Variants in MICU1 observed in about 807,000 individuals in gnomAD.
MICU1 encodes the protein calcium uptake protein 1, mitochondrial.
Under a neutral mutation model 56.8 loss-of-function variants are expected in MICU1, and 45 were observed. That is an observed-to-expected ratio of 0.79 (90% CI 0.62 to 1.02). The LOEUF (loss-of-function observed/expected upper bound fraction) is 1.02. MICU1 is among the 50% of genes least tolerant of loss of function. MICU1 has a pLI of 0.00. For missense variants in MICU1, 504 were observed against 587.1 expected (o/e 0.86, Z 1.46); for synonymous variants, 186 against 195.1 (o/e 0.95, Z 0.39).
intron 4 of MICU1, among the ~76,000 whole-genome samples, chr10:72,548,104 G>A (rs764035439): frequency 8.5e-5 from 13 of 152,204 alleles, no homozygotes; most frequent in Non-Finnish European, 1.8e-4. Context: ...CCATGCTATA[G>A]CAGCAGAGAT....
At chr10:72,543,716 A>G (rs1839829761) in intron 4 of MICU1, among the ~76,000 whole-genome samples, 1 of 152,036 alleles carries the variant, frequency 6.6e-6, no homozygotes, top group African/African-American at 2.4e-5. Context: ...TTGGCTGGGC[A>G]TGGTGGCAGG....
chr10:72,407,430 C>T (rs963854364), intron 10 of MICU1, among the ~76,000 whole-genome samples: 9 of 152,144 alleles, frequency 5.9e-5, no homozygotes, highest in Admixed American at 3.9e-4. Flanking sequence ...TCAATTCCTC[C>T]GTGCTCTCAC....
At chr10:72,394,677 A>C (rs1863187572) in intron 10 of MICU1, among the ~76,000 whole-genome samples, 2 of 151,960 alleles carry the variant, frequency 1.3e-5, no homozygotes, top group Admixed American at 1.3e-4. Flanking sequence ...AAAGCAAACA[A>C]AAAATGTGAA....
At chr10:72,393,654 G>A (rs1445512740) in intron 10 of MICU1, among the ~76,000 whole-genome samples, 1 of 152,218 alleles carries the variant, frequency 6.6e-6, no homozygotes, top group African/African-American at 2.4e-5. Context: ...TGTGGTAGGA[G>A]AGCGAGAAAA....
intron 11 of MICU1, among the ~76,000 whole-genome samples, chr10:72,369,315 A>G (rs1237640081): frequency 6.6e-6 from 1 of 151,826 alleles, no homozygotes; most frequent in Non-Finnish European, 1.5e-5. Flanking sequence ...AAAAAAAAAA[A>G]AAAAAAGAGG....
rs986574579 is a variant in MICU1 at position 72,523,963 on chromosome 10, A to T, written c.537+9783T>A. 3 of 1,350,936 alleles carry T rather than the reference A, an allele frequency of 2.2e-6. No individual in the cohort carries two copies. The African/African-American group carries it at 4.5e-5, about 20-fold the overall frequency. The allele number at this position is 1,350,936 out of a possible 1,614,324, so 83.7% of individuals were successfully genotyped here. ...CTAGGTGTCCCATTTGTTTCCCCTT[A>T]AGCCATTTTACTGAGCAAAGTGCAA... On this transcript the variant is annotated intron_variant, in intron 5 of 11. Coordinates refer to ENST00000361114, the MANE Select transcript of MICU1 (RefSeq NM_001195518.2).
chr10:72,376,477 C>G (rs929788763), intron 10 of MICU1, among the ~76,000 whole-genome samples: 1 of 151,812 alleles, frequency 6.6e-6, no homozygotes, highest in Admixed American at 6.6e-5. Flanking sequence ...AACCCTGTCT[C>G]TACAAAAAAT....
At chr10:72,617,753 G>T (rs1483410935) in intron 1 of MICU1, among the ~76,000 whole-genome samples, 1 of 152,148 alleles carries the variant, frequency 6.6e-6, no homozygotes, top group Non-Finnish European at 1.5e-5. Flanking sequence ...GATTGCTTGA[G>T]CCCAGGAGTT....
At chr10:72,598,083 T>C (rs773039140) in intron 1 of MICU1, among the ~76,000 whole-genome samples, 4 of 152,148 alleles carry the variant, frequency 2.6e-5, no homozygotes, top group Non-Finnish European at 5.9e-5. Context: ...TGAGAATTAG[T>C]ATTAGAGATA....
chr10:72,375,808 C>G lies in MICU1; in HGVS notation c.1245G>C (p.Val415=). 1 of 1,613,254 alleles carries G rather than the reference C, an allele frequency of 6.2e-7. No individual in the cohort carries two copies. The highest frequency in any genetic ancestry group is 8.5e-7 in the Non-Finnish European group (1 of 1,179,658). Residue 415 remains valine (V), a synonymous_variant, in exon 11 of 12, where the codon GTG becomes GTC. Coordinates refer to ENST00000361114, the MANE Select transcript of MICU1 (RefSeq NM_001195518.2). ...CATCACAGTCAAAGAGTGCAAACAC[C>G]ACATCACACACGTGGTCTGAGAGCT... ...KVELSDHVCD[V]VFALFDCDGN...
chr10:72,592,534 T>C (rs1841257108), intron 1 of MICU1, among the ~76,000 whole-genome samples: 1 of 152,072 alleles, frequency 6.6e-6, no homozygotes, highest in South Asian at 2.1e-4. Context: ...AAGAAAACTA[T>C]AGACCAATAT....
chr10:72,573,921 G>A (rs1046902655), intron 1 of MICU1, among the ~76,000 whole-genome samples: 14 of 152,074 alleles, frequency 9.2e-5, no homozygotes, highest in African/African-American at 3.4e-4. Context: ...TTTATTTTGA[G>A]TACTGGCACA....
chr10:72,514,491 T>A (rs1693125340), intron 5 of MICU1, among the ~76,000 whole-genome samples: 1 of 152,220 alleles, frequency 6.6e-6, no homozygotes, highest in African/African-American at 2.4e-5. Flanking sequence ...TGCTACTTAC[T>A]GTGGGTTGTA....
intron 6 of MICU1, among the ~76,000 whole-genome samples, chr10:72,482,855 A>AT (rs1436647883): frequency 2.7e-5 from 4 of 146,516 alleles, no homozygotes; most frequent in Admixed American, 6.9e-5. Context: ...ATATATATTT[A>AT]TTTATTTTAT....
In MICU1 at chr10:72,467,332, T is replaced by C. The variant is rs114615613; in HGVS notation, c.933+7768A>G. ...CCAAGCAGCTGGGATTACAGGGACA[T>C]GCCACCACACCCGGCTGATTTCTGT... On this transcript the variant is annotated intron_variant, in intron 8 of 11. Coordinates refer to ENST00000361114, the MANE Select transcript of MICU1 (RefSeq NM_001195518.2). Among the ~76,000 whole-genome samples the C allele has an allele frequency of 7.7e-3, 1,176 of 152,142 alleles. 17 individuals are homozygous for C. The highest frequency in any genetic ancestry group is 0.026 in the African/African-American group (1,064 of 41,496).
intron 8 of MICU1, among the ~76,000 whole-genome samples, chr10:72,436,783 C>T (rs533799669): frequency 5.3e-5 from 8 of 151,848 alleles, no homozygotes; most frequent in South Asian, 2.1e-4. Flanking sequence ...CTTCAGCAGC[C>T]GATTCGATCA....
chr10:72,396,894 A>G (rs1863284537), intron 10 of MICU1, among the ~76,000 whole-genome samples: 1 of 152,220 alleles, frequency 6.6e-6, no homozygotes, highest in Non-Finnish European at 1.5e-5. Context: ...TCCCCAACCT[A>G]GCAAGGCAGG....
intron 9 of MICU1, among the ~76,000 whole-genome samples, chr10:72,415,218 G>C (rs1158767033): frequency 6.6e-6 from 1 of 152,104 alleles, no homozygotes; most frequent in Non-Finnish European, 1.5e-5. Flanking sequence ...CTTTCGCCAT[G>C]TTGGCCAGGC....
At chr10:72,579,757 T>C (rs1427592885) in intron 1 of MICU1, among the ~76,000 whole-genome samples, 1 of 152,222 alleles carries the variant, frequency 6.6e-6, no homozygotes, top group Non-Finnish European at 1.5e-5. Flanking sequence ...GTGACACCTA[T>C]GCTTCTGATG....
Sources: allele counts gnomAD v4.1 joint callset (sites outside exome capture counted in the v4.1 genomes callset), GRCh38; gene constraint gnomAD v4.1.1; transcripts MANE v1.5; gene names NCBI Gene and HGNC (gene_info 2026-07-23, HGNC 2026-07-21).